Variants in ADAM17 observed in about 807,000 individuals in gnomAD.
The protein encoded by ADAM17 is ADAM metallopeptidase domain 17.
A neutral mutation model predicts 96.7 loss-of-function variants in ADAM17; 39 were observed. That is an observed-to-expected ratio of 0.40 (90% CI 0.31 to 0.53). ADAM17 has a LOEUF of 0.53. ADAM17 is among the 20% of genes least tolerant of loss of function. The pLI, the probability that ADAM17 is intolerant of heterozygous loss-of-function variation, is 0.44. For missense variants in ADAM17, 777 were observed against 1,013.2 expected (o/e 0.77, Z 3.17); for synonymous variants, 344 against 359.2 (o/e 0.96, Z 0.48).
chr2:9,535,293 T>C (rs1664913391), intron 4 of ADAM17, among the ~76,000 whole-genome samples: 1 of 152,212 alleles, frequency 6.6e-6, no homozygotes, highest in South Asian at 2.1e-4. Flanking sequence ...TGAGGAAACG[T>C]TTTGTTTTGT....
At chr2:9,515,840 T>C (rs1412109178) in intron 10 of ADAM17, among the ~76,000 whole-genome samples, 1 of 152,220 alleles carries the variant, frequency 6.6e-6, no homozygotes, top group African/African-American at 2.4e-5. Context: ...TGAGAGTTCC[T>C]GTTGCTCCAT....
At chr2:9,514,648 C>G (rs1474034383) in intron 10 of ADAM17, among the ~76,000 whole-genome samples, 1 of 148,350 alleles carries the variant, frequency 6.7e-6, no homozygotes, top group South Asian at 2.2e-4. Context: ...CCAAGGCGGG[C>G]AGATCACAAG....
chr2:9,497,032 C>T, intron 14 of ADAM17, 82 bp downstream of exon 14: 21 of 1,558,398 alleles, frequency 1.3e-5, no homozygotes, highest in South Asian at 8.6e-5. Context: ...GTCATTCGCA[C>T]AACCTCCAAA....
At chr2:9,520,589 C>A (rs577361722) in intron 8 of ADAM17, among the ~76,000 whole-genome samples, 2 of 152,092 alleles carry the variant, frequency 1.3e-5, no homozygotes, top group South Asian at 4.1e-4. Context: ...TGCAAAAACT[C>A]TATATATTGG....
At chr2:9,491,593 T>TCTC (rs34268740) in intron 17 of ADAM17, among the ~76,000 whole-genome samples, 78,533 of 151,870 alleles carry the variant, frequency 0.52, 21,179 homozygotes, top group Middle Eastern at 0.67. Context: ...ATGGCCTCAC[T>TCTC]CTCTTAGCTG....
chr2:9,491,976 G>A (rs369619105), intron 17 of ADAM17, among the ~76,000 whole-genome samples: 16 of 152,300 alleles, frequency 1.1e-4, no homozygotes, highest in African/African-American at 3.6e-4. Flanking sequence ...CTTCAAGCAC[G>A]TCACCTTCAG....
At chr2:9,516,908 G>A (rs988858857) in intron 10 of ADAM17, among the ~76,000 whole-genome samples, 11 of 152,064 alleles carry the variant, frequency 7.2e-5, no homozygotes, top group African/African-American at 1.7e-4. Context: ...TCCACATTCC[G>A]TTGAGGCTAA....
chr2:9,544,717 T>G (rs1405799484), intron 1 of ADAM17, among the ~76,000 whole-genome samples: 1 of 151,142 alleles, frequency 6.6e-6, no homozygotes, highest in Non-Finnish European at 1.5e-5. Flanking sequence ...TCCCAGCTAC[T>G]CATGAGGCTG....
Position 9,497,150 on chromosome 2 carries a change from C to T in ADAM17, c.1747G>A (p.Glu583Lys), listed in dbSNP as rs780557617. Residue 583 changes from glutamate (E) to lysine (K), a missense_variant, in exon 14 of 19, where the codon GAG becomes AAG. Physicochemically the swap from Glu to Lys is moderately conservative, Grantham distance 56. This residue lies in a region of ADAM17 where 446 missense variants were observed against 664.7 expected (regional missense o/e 0.67). Transcript: ENST00000310823. Reference sequence around the variant, plus strand: ...CAGGACTCCAGCTGCTGTTCCCTCTCGCAGAAAGGGATGCATTTCCCATCC... The same window carrying T: ...CAGGACTCCAGCTGCTGTTCCCTCTTGCAGAAAGGGATGCATTTCCCATCC... ...CKDGKCIPFC[E>K]REQQLESCAC... 3.1e-6 allele frequency: 5 copies of T among 1,614,178 alleles called. No homozygotes were observed. Among genetic ancestry groups the T allele is most frequent in the Admixed American group, 3.3e-5 (2 of 60,020 alleles).
intron 4 of ADAM17, among the ~76,000 whole-genome samples, chr2:9,531,561 G>A (rs970524605): frequency 1.3e-5 from 2 of 151,958 alleles, no homozygotes; most frequent in African/African-American, 4.8e-5. Flanking sequence ...AACTAGCCGG[G>A]CACAGTGGCG....
At chr2:9,496,882 G>A (rs73149894) in intron 14 of ADAM17, among the ~76,000 whole-genome samples, 244 of 152,252 alleles carry the variant, frequency 1.6e-3, no homozygotes, top group African/African-American at 5.6e-3. Context: ...CCTGCCATAT[G>A]GCCTGAAACT....
intron 1 of ADAM17, 28 bp from the exon 2 acceptor site, chr2:9,543,313 C>T: frequency 6.5e-7 from 1 of 1,542,762 alleles, no homozygotes. Context: ...AAGGTATTAG[C>T]ATCTAAACCT....
chr2:9,492,682 T>G (rs1470502588), intron 17 of ADAM17, among the ~76,000 whole-genome samples: 1 of 152,216 alleles, frequency 6.6e-6, no homozygotes, highest in Admixed American at 6.5e-5. Flanking sequence ...ATTTATATAT[T>G]AAAACACCAA....
intron 17 of ADAM17, among the ~76,000 whole-genome samples, chr2:9,492,029 A>G (rs1460287920): frequency 1.3e-5 from 2 of 152,144 alleles, no homozygotes; most frequent in East Asian, 3.9e-4. Context: ...TCCTATACCC[A>G]TCATGCTCAC....
At chr2:9,524,361 G>A (rs918352567) in intron 6 of ADAM17, among the ~76,000 whole-genome samples, 2 of 152,004 alleles carry the variant, frequency 1.3e-5, no homozygotes, top group Non-Finnish European at 2.9e-5. Flanking sequence ...CAGGAAGGGT[G>A]AACACCTGTT....
chr2:9,545,480 G>T (rs1017514297), intron 1 of ADAM17, among the ~76,000 whole-genome samples: 3 of 152,080 alleles, frequency 2.0e-5, no homozygotes, highest in African/African-American at 7.2e-5. Context: ...TGAGGCAAGA[G>T]AACTGCTTGA....
At position 9,536,901 on chromosome 2, in the gene ADAM17, T is replaced by C. The variant is rs541792698; in HGVS notation, c.231-73A>G. Reference sequence around the variant, plus strand: ...GTCTCATTTTCACATAATTAAACTTTCTTAAAAAGCCAGAAGCATTGACAT... The same window carrying C: ...GTCTCATTTTCACATAATTAAACTTCCTTAAAAAGCCAGAAGCATTGACAT... On this transcript the variant is annotated intron_variant, in intron 2 of 18. Transcript: ENST00000310823. 3.3e-5 allele frequency: 50 copies of C among 1,519,106 alleles called. No homozygotes were observed. The South Asian group carries it at 5.6e-4, about 17-fold the overall frequency. 94.1% of individuals were successfully genotyped at this position (1,519,106 alleles called of 1,614,324 possible). A position where few individuals can be genotyped will look rare whatever the true frequency, so the allele number is the denominator to read the frequency against.
intron 1 of ADAM17, among the ~76,000 whole-genome samples, chr2:9,550,296 C>A (rs73913131): frequency 0.01 from 1,541 of 152,228 alleles, 25 homozygotes; most frequent in African/African-American, 0.036. Context: ...AGCTCCTCAA[C>A]AGACCTGGGA....
chr2:9,531,098 C>T (rs368913141), intron 4 of ADAM17, among the ~76,000 whole-genome samples: 8 of 152,120 alleles, frequency 5.3e-5, no homozygotes, highest in African/African-American at 1.4e-4. Flanking sequence ...GTTGGGATTA[C>T]GGGCGCAAGC....
Sources: gnomAD v4.1 joint callset for allele counts (sites outside exome capture counted in the v4.1 genomes callset) on GRCh38, gnomAD v4.1.1 for gene constraint, gnomAD v4.1.1 regional missense constraint, MANE v1.5 for transcripts, NCBI Gene and HGNC (gene_info 2026-07-23, HGNC 2026-07-21) for gene names.